Variants in ALS2CL observed in about 807,000 individuals in gnomAD.
ALS2CL encodes the protein ALS2 C-terminal like.
A neutral mutation model predicts 127.9 loss-of-function variants in ALS2CL; 112 were observed. That is an observed-to-expected ratio of 0.88 (90% CI 0.75 to 1.02). The LOEUF (loss-of-function observed/expected upper bound fraction) is 1.02, where lower values mean the gene tolerates loss of function less well. ALS2CL is among the 50% of genes least tolerant of loss of function. The probability of loss-of-function intolerance (pLI) is 0.00; values close to 1 mark genes in which losing one functional copy is unlikely to be tolerated. For missense variants in ALS2CL, 1,174 were observed against 1,236.7 expected, an observed-to-expected ratio of 0.95 and a Z score of 0.76; for synonymous variants, 519 against 527.6, an observed-to-expected ratio of 0.98 and a Z score of 0.22.
In ALS2CL at chr3:46,682,072, C is replaced by T; in HGVS notation, c.1132G>A (p.Gly378Arg). The T allele has an allele frequency of 1.9e-6, 3 of 1,614,036 alleles. No homozygotes were observed. Among genetic ancestry groups the T allele is most frequent in the Non-Finnish European group, 2.5e-6 (3 of 1,179,978 alleles). ...HGKGTLKWPD[G>R]RNHVGNFCQG... ...CAGAAATTCCCCACGTGATTCCGCCCATCCGGCCATTTCAGGGTTCCCCTG... is the reference window on the plus strand; with the variant it reads ...CAGAAATTCCCCACGTGATTCCGCCTATCCGGCCATTTCAGGGTTCCCCTG... The change falls in exon 11 of 26, where the codon GGG (glycine) becomes AGG (arginine). Residue 378 changes from glycine to arginine, a missense_variant. Gly to Arg is a moderately radical substitution (Grantham distance 125). Coordinates refer to ENST00000318962, the MANE Select transcript of ALS2CL (RefSeq NM_147129.5).
Position 46,681,473 on chromosome 3 carries a change from A to G in ALS2CL, c.1274+27T>C. 3.7e-6 allele frequency: 6 copies of G among 1,613,976 alleles called. No individual in the cohort carries two copies. The highest frequency in any genetic ancestry group is 5.1e-6 in the Non-Finnish European group (6 of 1,179,892). On this transcript the variant is annotated intron_variant, in intron 12 of 25. Coordinates refer to ENST00000318962, the MANE Select transcript of ALS2CL (RefSeq NM_147129.5). The surrounding 1 kb of genome is among the most constrained non-coding windows in gnomAD (Gnocchi z 4.9). ...TCAGCCCAGAGGATGGGCCCAGCCC[A>G]TGAACCCCCCAGCCAGGGTCACTTA...
In ALS2CL at chr3:46,686,886, G is replaced by A. The variant is rs1226893848; in HGVS notation, c.534+97C>T. The A allele has an allele frequency of 2.6e-5, 34 of 1,332,346 alleles. No homozygotes were observed. The highest frequency in any genetic ancestry group is 3.3e-5 in the Non-Finnish European group (33 of 1,014,518). The allele number at this position is 1,332,346 out of a possible 1,614,324, so 82.5% of individuals were successfully genotyped here. A position where few individuals can be genotyped will look rare whatever the true frequency, so the allele number is the denominator to read the frequency against. ...CTGCCGGCATGGCTGAGTCCTTCTT[G>A]TACTAGGGTTCCTGAGTATAGGCTG... On this transcript the variant is annotated intron_variant, in intron 5 of 25. Coordinates refer to ENST00000318962, the MANE Select transcript of ALS2CL (RefSeq NM_147129.5). The surrounding 1 kb of genome is among the most constrained non-coding windows in gnomAD (Gnocchi z 4.3).
At chr3:46,676,458 C>A in intron 18 of ALS2CL, 56 bp from the exon 19 acceptor site, 2 of 1,606,060 alleles carry the variant, frequency 1.2e-6, no homozygotes, top group Non-Finnish European at 1.7e-6. Flanking sequence ...TGGAGCACAG[C>A]ATGCCCACAC....
rs1699682513 is a variant in ALS2CL, at chr3:46,685,373, C to T, written c.786+152G>A. ...TCCTCTGGGGACAGCTCCAGTGGAC[C>T]GCCCCTCCCCAACACAACGCCTTTC... On this transcript the variant is annotated intron_variant, in intron 7 of 25. Coordinates refer to ENST00000318962, the MANE Select transcript of ALS2CL (RefSeq NM_147129.5). 1.2e-5 allele frequency: 15 copies of T among 1,300,940 alleles called. No individual in the cohort carries two copies. The South Asian group carries it at 1.3e-4, about 12-fold the overall frequency. The allele number at this position is 1,300,940 out of a possible 1,614,324, so 80.6% of individuals were successfully genotyped here. A position where few individuals can be genotyped will look rare whatever the true frequency, so the allele number is the denominator to read the frequency against.
intron 10 of ALS2CL, among the ~76,000 whole-genome samples, 166 bp downstream of exon 10, chr3:46,682,964 G>A (rs1186800610): frequency 6.6e-6 from 1 of 152,218 alleles, no homozygotes. Context: ...CTGTCTCTGG[G>A]CCAGGCCCAG....
chr3:46,693,597 G>C (rs1047031997), intron 1 of ALS2CL, 46 bp downstream of exon 1: 3 of 152,340 alleles, frequency 2.0e-5, no homozygotes, highest in African/African-American at 7.2e-5. Context: ...TAAGCGTGGA[G>C]CGCAGACACC....
intron 3 of ALS2CL, 91 bp downstream of exon 3, chr3:46,688,007 C>T (rs1699911050): frequency 6.8e-7 from 1 of 1,470,452 alleles, no homozygotes; most frequent in African/African-American, 1.4e-5. Flanking sequence ...TGAACCCTGA[C>T]CCATGTGAGC....
In ALS2CL at chr3:46,672,216, G is replaced by A; in HGVS notation, c.2473-15C>T. 6.2e-7 allele frequency: 1 copy of A among 1,613,912 alleles called. No individual in the cohort carries two copies. On this transcript the variant is annotated splice_polypyrimidine_tract_variant and intron_variant, in intron 22 of 25. Coordinates refer to ENST00000318962, the MANE Select transcript of ALS2CL (RefSeq NM_147129.5). ...AGGGAGTACCTCTGCATGGTGGAGG[G>A]AGTGGGCTGGATGAGGCCATGGCCC...
rs750863844 is a variant in ALS2CL, at chr3:46,683,230, G to A, written c.1009C>T (p.Pro337Ser). The A allele has an allele frequency of 1.2e-6, 2 of 1,609,514 alleles. No homozygotes were observed. Among genetic ancestry groups the A allele is most frequent in the Non-Finnish European group, 1.7e-6 (2 of 1,178,404 alleles). Residue 337 changes from proline to serine, a missense_variant, in exon 10 of 26, where the codon CCT becomes TCT. By Grantham distance (74) the Pro-to-Ser change is moderately conservative. Transcript: ENST00000318962. ...VLGAGLEPSQ[P>S]PDCRCAEYTF... ...TATTCTGCGCAGCGGCAGTCGGGAG[G>A]CTGGGAGGGCTCCAGGCCAGCCCCC...
rs372807128 is a variant in ALS2CL at position 46,672,109 on chromosome 3, G to A, written c.2534+31C>T. The A allele has an allele frequency of 1.3e-4, 212 of 1,613,972 alleles. 1 individual carries two copies. The highest frequency in any genetic ancestry group is 4.9e-4 in the African/African-American group (37 of 74,912). The stretch of plus-strand genomic sequence containing the variant: ...CAGGAGCACCCCACACTCTGCCTCC[G>A]GACCCCCAACCCACTACGGCTCACA... On this transcript the variant is annotated intron_variant, in intron 23 of 25. Transcript: ENST00000318962.
chr3:46,671,694 G>C, intron 24 of ALS2CL, 110 bp from the exon 25 acceptor site: 1 of 1,573,418 alleles, frequency 6.4e-7, no homozygotes. Flanking sequence ...CACCTGGGGT[G>C]TGGTCCTCAC....
intron 20 of ALS2CL, 40 bp downstream of exon 20, chr3:46,675,578 C>G: frequency 6.2e-7 from 1 of 1,603,108 alleles, no homozygotes; most frequent in Non-Finnish European, 8.5e-7. Context: ...ATGAGGCCTC[C>G]CTGGACACGG....
intron 13 of ALS2CL, chr3:46,680,942 G>T (rs1699272635): frequency 8.9e-6 from 5 of 563,222 alleles, no homozygotes; most frequent in Non-Finnish European, 1.6e-5. Context: ...CAAGGATCCA[G>T]GGCTTTATCA....
rs750553394 is a variant in ALS2CL at position 46,676,932 on chromosome 3, C to T, written c.1848G>A (p.Arg616=). The T allele has an allele frequency of 1.9e-6, 3 of 1,613,706 alleles. No homozygotes were observed. The highest frequency in any genetic ancestry group is 2.5e-6 in the Non-Finnish European group (3 of 1,179,960). Residue 616 remains arginine (R), a synonymous_variant, in exon 17 of 26, where the codon AGG becomes AGA. Coordinates refer to ENST00000318962, the MANE Select transcript of ALS2CL (RefSeq NM_147129.5). ...FRDFVCAGCP[R]DLQEALLGFD... ...AGCCCAGCAGGGCCTCCTGCAGGTC[C>T]CTGGGGCAGCCAGCACACACAAAGT...
intron 21 of ALS2CL, among the ~76,000 whole-genome samples, chr3:46,673,646 C>T (rs1698585085): frequency 6.6e-6 from 1 of 152,034 alleles, no homozygotes; most frequent in Admixed American, 6.5e-5. Context: ...GGAGACTGCA[C>T]TCCATCCAGG....
intron 21 of ALS2CL, among the ~76,000 whole-genome samples, chr3:46,674,125 G>C (rs1050323227): frequency 2.0e-5 from 3 of 152,206 alleles, no homozygotes; most frequent in Non-Finnish European, 2.9e-5. Context: ...CAAGTGCTCA[G>C]AGCAGGTGAT....
At chr3:46,689,874 A>C (rs1700053404) in intron 1 of ALS2CL, among the ~76,000 whole-genome samples, 1 of 152,160 alleles carries the variant, frequency 6.6e-6, no homozygotes, top group Non-Finnish European at 1.5e-5. Flanking sequence ...CAGTCTCTAT[A>C]AACAGGGTCA....
Position 46,675,656 on chromosome 3 carries a change from C to T in ALS2CL, c.2217G>A (p.Lys739=). ...CTTCATCCTCCTCCAGGGCCTGGCC[C>T]TTGCGCTCTAAGGCAACTCGCAGCA... ...RGLLRVALER[K]GQALEEDEDT... is the part of the protein sequence containing the mutation. Residue 739 remains lysine (K), a synonymous_variant, in exon 20 of 26, where the codon AAG becomes AAA. Transcript: ENST00000318962. 1 of 1,613,862 alleles carries T rather than the reference C, an allele frequency of 6.2e-7. No homozygotes were observed. Among genetic ancestry groups the T allele is most frequent in the East Asian group, 2.2e-5 (1 of 44,864 alleles).
intron 4 of ALS2CL, 91 bp from the exon 5 acceptor site, chr3:46,687,239 G>T: frequency 7.2e-7 from 1 of 1,384,068 alleles, no homozygotes; most frequent in Non-Finnish European, 9.5e-7. Flanking sequence ...AATCCCCTCA[G>T]ATCCCAGGGC....
Sources: gnomAD v4.1 joint callset for allele counts (sites outside exome capture counted in the v4.1 genomes callset) on GRCh38, gnomAD v4.1.1 for gene constraint, Gnocchi (gnomAD v3.1) non-coding constraint, MANE v1.5 for transcripts, NCBI Gene and HGNC (gene_info 2026-07-23, HGNC 2026-07-21) for gene names.